Variants in DGLUCY observed in about 807,000 individuals in gnomAD.
DGLUCY encodes the protein D-glutamate cyclase.
In DGLUCY, 58 loss-of-function variants were observed where a neutral mutation model predicts 58.5. That is an observed-to-expected ratio of 0.99 (90% CI 0.80 to 1.23). DGLUCY has a LOEUF of 1.23. DGLUCY is among the 50% of genes most tolerant of loss of function. The probability of loss-of-function intolerance (pLI) is 0.00; values close to 1 mark genes in which losing one functional copy is unlikely to be tolerated. For synonymous variants in DGLUCY, 325 were observed against 314.1 expected, an observed-to-expected ratio of 1.03 and a Z score of -0.37; for missense variants, 779 against 784.7, an observed-to-expected ratio of 0.99 and a Z score of 0.09.
intron 1 of DGLUCY, among the ~76,000 whole-genome samples, chr14:91,121,426 C>T (rs761250794): frequency 7.2e-5 from 11 of 151,938 alleles, no homozygotes; most frequent in South Asian, 2.1e-4. Flanking sequence ...CAGTGGCTCA[C>T]GCCTGTAATC....
At chr14:91,079,762 T>G (rs1414244802) in intron 1 of DGLUCY, among the ~76,000 whole-genome samples, 3 of 152,158 alleles carry the variant, frequency 2.0e-5, no homozygotes, top group African/African-American at 7.2e-5. Flanking sequence ...CTAGAAAAGA[T>G]TCAGAAAAAA....
intron 1 of DGLUCY, among the ~76,000 whole-genome samples, chr14:91,129,636 T>C (rs1462622056): frequency 6.6e-6 from 1 of 151,534 alleles, no homozygotes; most frequent in Non-Finnish European, 1.5e-5. Context: ...TTCAACATGA[T>C]GTTTTTTGTT....
intron 8 of DGLUCY, among the ~76,000 whole-genome samples, chr14:91,185,078 G>A (rs2049418790): frequency 1.3e-5 from 2 of 151,542 alleles, no homozygotes; most frequent in South Asian, 4.2e-4. Context: ...AGCAGTTCTT[G>A]TGCCTCAGCT....
chr14:91,142,003 G>A (rs1170722019), intron 1 of DGLUCY, among the ~76,000 whole-genome samples: 10 of 151,896 alleles, frequency 6.6e-5, no homozygotes, highest in South Asian at 6.2e-4. Flanking sequence ...GTAGCATCAC[G>A]TCTGGCTAAT....
At chr14:91,150,059 A>G (rs1353790842) in intron 1 of DGLUCY, among the ~76,000 whole-genome samples, 1 of 151,924 alleles carries the variant, frequency 6.6e-6, no homozygotes, top group African/African-American at 2.4e-5. Context: ...CCTCTACTAA[A>G]AATACAAAAA....
At chr14:91,217,856 CCT>C (rs1428373055) in intron 13 of DGLUCY, among the ~76,000 whole-genome samples, 1 of 152,080 alleles carries the variant, frequency 6.6e-6, no homozygotes, top group African/African-American at 2.4e-5. Flanking sequence ...TCTGTCTCTC[CCT>C]CTCTGTTTCT....
intron 13 of DGLUCY, among the ~76,000 whole-genome samples, chr14:91,217,642 G>A (rs1886785300): frequency 1.3e-5 from 2 of 150,724 alleles, no homozygotes; most frequent in South Asian, 2.1e-4. Flanking sequence ...CTGCCACCAT[G>A]CCCAGCTAAT....
chr14:91,167,732 C>T (rs1293854655), intron 4 of DGLUCY: 1 of 693,346 alleles, frequency 1.4e-6, no homozygotes, highest in African/African-American at 1.8e-5. Flanking sequence ...CACCCAGAGA[C>T]AGAGATATTG....
At chr14:91,176,516 G>T (rs758570082) in intron 7 of DGLUCY, among the ~76,000 whole-genome samples, 2 of 152,098 alleles carry the variant, frequency 1.3e-5, no homozygotes, top group Non-Finnish European at 2.9e-5. Flanking sequence ...GAGTCATCGC[G>T]CCTGGCCTGG....
chr14:91,207,561 G>A (rs966836628), intron 12 of DGLUCY, among the ~76,000 whole-genome samples: 1 of 152,106 alleles, frequency 6.6e-6, no homozygotes, highest in Non-Finnish European at 1.5e-5. Flanking sequence ...ATGCCAAAAA[G>A]CTACATCTAG....
intron 3 of DGLUCY, chr14:91,165,244 C>T: frequency 2.2e-6 from 1 of 456,242 alleles, no homozygotes; most frequent in African/African-American, 2.0e-5. Flanking sequence ...AACATCTACA[C>T]AGGATTTCAT....
At chr14:91,221,770 C>T (rs1256331399) in intron 13 of DGLUCY, among the ~76,000 whole-genome samples, 2 of 152,132 alleles carry the variant, frequency 1.3e-5, no homozygotes, top group Admixed American at 6.5e-5. Context: ...GTATAATTAA[C>T]ATACAATAAA....
At chr14:91,134,028 C>G (rs557607742) in intron 1 of DGLUCY, among the ~76,000 whole-genome samples, 2 of 152,270 alleles carry the variant, frequency 1.3e-5, no homozygotes, top group South Asian at 4.1e-4. Context: ...CCCTTTCACT[C>G]CATCTTAATT....
chr14:91,143,148 T>G (rs900982839), intron 1 of DGLUCY, among the ~76,000 whole-genome samples: 2 of 151,156 alleles, frequency 1.3e-5, no homozygotes, highest in Non-Finnish European at 2.9e-5. Context: ...CAGGCTGGAG[T>G]GCAGTGGCGC....
chr14:91,160,183 GTATGTGAAGC>G (rs978388383), intron 2 of DGLUCY, 73 bp from the exon 3 acceptor site: 29 of 841,140 alleles, frequency 3.4e-5, no homozygotes, highest in Non-Finnish European at 4.9e-5. Flanking sequence ...ATGTGATGTG[GTATGTGAAGC>G]TATGTGAGGC....
At chr14:91,122,644 C>T (rs900578302) in intron 1 of DGLUCY, among the ~76,000 whole-genome samples, 1 of 116,116 alleles carries the variant, frequency 8.6e-6, no homozygotes, top group Non-Finnish European at 1.6e-5. Flanking sequence ...ACTCTGTCGC[C>T]CAGACTGGAG....
At chr14:91,181,460 C>T (rs1348451390) in intron 8 of DGLUCY, 71 bp downstream of exon 8, 3 of 1,476,874 alleles carry the variant, frequency 2.0e-6, no homozygotes, top group South Asian at 2.4e-5. Flanking sequence ...GAGAAAATCA[C>T]CTTTTCAGTG....
At chr14:91,060,368 C>T (rs1483029166) in exon 1 of DGLUCY, 1 of 1,504,382 alleles carries the variant, frequency 6.6e-7, no homozygotes. Flanking sequence ...AGGAGCTGCT[C>T]TCCTCCGTCG....
chr14:91,170,320 C>T, intron 5 of DGLUCY, 119 bp downstream of exon 5: 2 of 1,121,344 alleles, frequency 1.8e-6, no homozygotes, highest in Non-Finnish European at 2.5e-6. Context: ...GCTCCAGCCC[C>T]AGCTCAGCCA....
Sources: allele counts gnomAD v4.1 joint callset (sites outside exome capture counted in the v4.1 genomes callset), GRCh38; gene constraint gnomAD v4.1.1; transcripts MANE v1.5; gene names NCBI Gene and HGNC (gene_info 2026-07-23, HGNC 2026-07-21).